CD164: variants seen among roughly 807,000 people sequenced by gnomAD.
CD164 encodes sialomucin core protein 24.
CD164 carries 11 observed loss-of-function variants against 24.6 expected under a neutral mutation model. That is an observed-to-expected ratio of 0.45 (90% CI 0.28 to 0.74). The LOEUF (loss-of-function observed/expected upper bound fraction) is 0.74. Ranked by LOEUF, CD164 falls within the 30% of genes least tolerant of loss-of-function variation. The pLI is 0.13. For missense variants in CD164, 295 were observed against 243.7 expected, an observed-to-expected ratio of 1.21 and a Z score of -1.40; for synonymous variants, 126 against 100.3, an observed-to-expected ratio of 1.26 and a Z score of -1.53.
chr6:109,366,888 A>C lies in CD164; in HGVS notation c.*1963T>G, dbSNP rs571569766. On this transcript the variant is annotated 3_prime_UTR_variant, in exon 6 of 6. Coordinates refer to ENST00000310786, the MANE Select transcript of CD164 (RefSeq NM_006016.6). ...TGCTTGTTGTTAGAGCAGTGCTCAAAATTACAGAAGCTTCAAATTGTTATG... is the reference window on the plus strand; with the variant it reads ...TGCTTGTTGTTAGAGCAGTGCTCAACATTACAGAAGCTTCAAATTGTTATG... 6.6e-6 allele frequency: 1 copy of C among 152,392 alleles called. No homozygotes were observed. Among genetic ancestry groups the C allele is most frequent in the East Asian group, 1.9e-4 (1 of 5,188 alleles). The allele number at this position is 152,392 out of a possible 1,614,324, so 9.4% of individuals were successfully genotyped here. A position where few individuals can be genotyped will look rare whatever the true frequency, so the allele number is the denominator to read the frequency against.
At position 109,368,389 on chromosome 6, in the gene CD164, TACTA is replaced by T. The variant is rs1562234392; in HGVS notation, c.*458_*461del. The T allele has an allele frequency of 1.4e-6, 2 of 1,475,002 alleles. No homozygotes were observed. The highest frequency in any genetic ancestry group is 1.8e-6 in the Non-Finnish European group (2 of 1,113,914). 91.4% of individuals were successfully genotyped at this position (1,475,002 alleles called of 1,614,324 possible). Reference sequence around the variant, plus strand: ...TTAATCTAAGGATACCATTTAGTACTACTAAATTAATAAATTTATTCCACTTTTG... The same window carrying T: ...TTAATCTAAGGATACCATTTAGTACTAATTAATAAATTTATTCCACTTTTG... On this transcript the variant is annotated 3_prime_UTR_variant, in exon 6 of 6. Transcript: ENST00000310786.
intron 3 of CD164, 32 bp from the exon 4 acceptor site, chr6:109,376,144 A>G (rs1193760171): frequency 2.7e-6 from 4 of 1,497,532 alleles, no homozygotes; most frequent in Non-Finnish European, 3.6e-6. Context: ...AAAACCATAT[A>G]CATCAAAGCT....
At chr6:109,374,185 C>T (rs1046596482) in intron 4 of CD164, among the ~76,000 whole-genome samples, 4 of 152,168 alleles carry the variant, frequency 2.6e-5, no homozygotes, top group Admixed American at 2.6e-4. Flanking sequence ...TTTCTATATG[C>T]TCCTCCAGTG....
At chr6:109,374,966 C>G (rs1436691233) in intron 4 of CD164, among the ~76,000 whole-genome samples, 1 of 152,174 alleles carries the variant, frequency 6.6e-6, no homozygotes, top group Non-Finnish European at 1.5e-5. Context: ...TGGCTTAACC[C>G]TACCATTTAC....
At chr6:109,374,509 C>T (rs187968819) in intron 4 of CD164, among the ~76,000 whole-genome samples, 1 of 152,254 alleles carries the variant, frequency 6.6e-6, no homozygotes, top group East Asian at 1.9e-4. Flanking sequence ...TTGTAACAGG[C>T]TATCTAATCT....
At position 109,370,395 on chromosome 6, in the gene CD164, A is replaced by G. The variant is rs371819591; in HGVS notation, c.427+16T>C. 1.9e-5 allele frequency: 30 copies of G among 1,599,096 alleles called. No individual in the cohort carries two copies. The African/African-American group carries it at 3.8e-4, about 20-fold the overall frequency. ...ACACATCCTGCATCATTGCTAATCTAAAAAGCCTCAATTACCTGATGTAGT... is the reference window on the plus strand; with the variant it reads ...ACACATCCTGCATCATTGCTAATCTGAAAAGCCTCAATTACCTGATGTAGT... On this transcript the variant is annotated intron_variant, in intron 5 of 5. Transcript: ENST00000310786.
intron 2 of CD164, 94 bp from the exon 3 acceptor site, chr6:109,378,065 A>C: frequency 1.9e-6 from 2 of 1,063,054 alleles, no homozygotes; most frequent in Non-Finnish European, 2.8e-6. Context: ...ATCAAACCCA[A>C]ACACTTTAGA....
rs1379308360 is a variant in CD164, at chr6:109,366,642, TGTAAGGTAAA to T, written c.*2199_*2208del. 1 of 152,574 alleles carries T rather than the reference TGTAAGGTAAA, an allele frequency of 6.6e-6. No homozygotes were observed. The highest frequency in any genetic ancestry group is 1.5e-5 in the Non-Finnish European group (1 of 68,032). 9.5% of individuals were successfully genotyped at this position (152,574 alleles called of 1,614,324 possible). ...AGTATCTGCCTGTGCAACAAATATC[TGTAAGGTAAA>T]ATAAGGTATTTGATAGAAGAACATC... On this transcript the variant is annotated 3_prime_UTR_variant, in exon 6 of 6. Transcript: ENST00000310786.
intron 4 of CD164, chr6:109,372,753 A>G (rs1300604610): frequency 1.3e-5 from 2 of 152,230 alleles, no homozygotes; most frequent in Admixed American, 1.3e-4. Flanking sequence ...ACAAAAAAAT[A>G]CACTTTACAA....
chr6:109,381,445 T>C (rs1273295416), intron 1 of CD164: 6 of 699,050 alleles, frequency 8.6e-6, no homozygotes, highest in Middle Eastern at 2.3e-4. Context: ...AAACATACAA[T>C]GTCAGGAGAG....
chr6:109,377,063 G>C (rs2115162759), intron 3 of CD164, among the ~76,000 whole-genome samples: 1 of 152,310 alleles, frequency 6.6e-6, no homozygotes, highest in South Asian at 2.1e-4. Context: ...CTTAAGCCCA[G>C]GAATATGAGG....
At chr6:109,373,402 T>C (rs1394161552) in intron 4 of CD164, among the ~76,000 whole-genome samples, 1 of 152,188 alleles carries the variant, frequency 6.6e-6, no homozygotes, top group Non-Finnish European at 1.5e-5. Flanking sequence ...CGGCAGACGG[T>C]ACACATGCCC....
At chr6:109,372,082 G>C (rs1010216513) in intron 4 of CD164, 5 of 152,144 alleles carry the variant, frequency 3.3e-5, no homozygotes, top group Non-Finnish European at 7.3e-5. Flanking sequence ...CTTAACCCAC[G>C]AAAGACAGGG....
At position 109,368,921 on chromosome 6, in the gene CD164, C is replaced by G; in HGVS notation, c.524G>C (p.Gly175Ala). The G allele has an allele frequency of 6.2e-7, 1 of 1,613,844 alleles. No homozygotes were observed. The highest frequency in any genetic ancestry group is 1.1e-5 in the South Asian group (1 of 91,058). The change falls in exon 6 of 6, where the codon GGT becomes GCT. Residue 175 changes from glycine to alanine, a missense_variant. Coordinates refer to ENST00000310786, the MANE Select transcript of CD164 (RefSeq NM_006016.6). ...AAGAAAGAAAATTACAGCCTGCACA[C>G]CCAAGACCAGGACAATTCCTCCAAT... ...SFIGGIVLVL[G>A]VQAVIFFLYK... is the part of the protein sequence containing the mutation.
At chr6:109,378,810 T>G (rs1253906407) in intron 2 of CD164, among the ~76,000 whole-genome samples, 1 of 152,110 alleles carries the variant, frequency 6.6e-6, no homozygotes, top group Non-Finnish European at 1.5e-5. Flanking sequence ...AAGAGCTTTT[T>G]GAAATTTATG....
intron 1 of CD164, chr6:109,380,526 T>C (rs538711652): frequency 2.6e-5 from 4 of 152,340 alleles, no homozygotes; most frequent in South Asian, 2.1e-4. Context: ...CATTAGTACT[T>C]ATTAAAGACT....
chr6:109,369,898 A>G (rs1322818), intron 5 of CD164, among the ~76,000 whole-genome samples: 30,730 of 152,172 alleles, frequency 0.2, 3,667 homozygotes, highest in Middle Eastern at 0.32. Context: ...TAACCTAACT[A>G]TGAATTAAAT....
chr6:109,378,747 G>C (rs1259211943), intron 2 of CD164, among the ~76,000 whole-genome samples: 1 of 151,872 alleles, frequency 6.6e-6, no homozygotes, highest in Non-Finnish European at 1.5e-5. Context: ...CTAAAAAAAA[G>C]AGACACTTCT....
At chr6:109,377,785 C>A in intron 3 of CD164, 115 bp downstream of exon 3, 1 of 749,580 alleles carries the variant, frequency 1.3e-6, no homozygotes, top group South Asian at 1.5e-5. Flanking sequence ...CCAATTCTAA[C>A]AAGATGAGAA....
Sources: gnomAD v4.1 joint callset for allele counts (sites outside exome capture counted in the v4.1 genomes callset) on GRCh38, gnomAD v4.1.1 for gene constraint, MANE v1.5 for transcripts, NCBI Gene and HGNC (gene_info 2026-07-23, HGNC 2026-07-21) for gene names.